The following MAN1A2 variants were observed in gnomAD, a reference collection of about 807,000 sequenced individuals.
MAN1A2 encodes mannosidase alpha class 1A member 2.
A neutral mutation model predicts 75.7 loss-of-function variants in MAN1A2; 26 were observed. The observed-to-expected ratio is 0.34, with a 90% CI of 0.25 to 0.48. The LOEUF is 0.48. Among genes scored for constraint, MAN1A2 ranks in the 20% least tolerant of loss-of-function variants. The pLI is 0.99. For missense variants in MAN1A2, 562 were observed against 775.5 expected, an observed-to-expected ratio of 0.72 and a Z score of 3.27; for synonymous variants, 247 against 264.6, an observed-to-expected ratio of 0.93 and a Z score of 0.65.
intron 1 of MAN1A2, among the ~76,000 whole-genome samples, chr1:117,397,645 CT>C (rs34594031): frequency 0.26 from 27,168 of 105,330 alleles, 3,013 homozygotes; most frequent in East Asian, 0.36. Flanking sequence ...TTATAACCCC[CT>C]TTTTTTTTTT....
At chr1:117,394,095 T>C (rs1653828830) in intron 1 of MAN1A2, among the ~76,000 whole-genome samples, 1 of 151,936 alleles carries the variant, frequency 6.6e-6, no homozygotes, top group South Asian at 2.1e-4. Flanking sequence ...CCTTTTTTTT[T>C]TTTTGAGATG....
intron 5 of MAN1A2, among the ~76,000 whole-genome samples, chr1:117,440,604 C>T (rs978916264): frequency 6.6e-6 from 1 of 151,700 alleles, no homozygotes; most frequent in African/African-American, 2.4e-5. Context: ...TTCTTTTAGA[C>T]CTGTCTACTA....
At chr1:117,435,032 T>G (rs2101803160) in intron 5 of MAN1A2, among the ~76,000 whole-genome samples, 1 of 152,168 alleles carries the variant, frequency 6.6e-6, no homozygotes, top group South Asian at 2.1e-4. Context: ...TATCAAATGC[T>G]TAAAGAATAC....
chr1:117,511,105 C>T (rs190113385), intron 12 of MAN1A2, among the ~76,000 whole-genome samples: 1 of 151,942 alleles, frequency 6.6e-6, no homozygotes, highest in South Asian at 2.1e-4. Context: ...GCACATCTTA[C>T]GTGGTGGCAG....
chr1:117,446,806 C>T (rs1294026688), intron 6 of MAN1A2, among the ~76,000 whole-genome samples: 1 of 152,058 alleles, frequency 6.6e-6, no homozygotes, highest in Admixed American at 6.5e-5. Context: ...GTGTTTAGAT[C>T]ATGTATATCT....
At chr1:117,518,602 A>G (rs1456565699) in intron 12 of MAN1A2, among the ~76,000 whole-genome samples, 1 of 152,144 alleles carries the variant, frequency 6.6e-6, no homozygotes, top group Admixed American at 6.6e-5. Flanking sequence ...GACATTATAT[A>G]ATGATAAAAG....
chr1:117,385,035 T>A (rs1653478987), intron 1 of MAN1A2, among the ~76,000 whole-genome samples: 1 of 152,198 alleles, frequency 6.6e-6, no homozygotes, highest in Admixed American at 6.5e-5. Context: ...GTCTGAATTT[T>A]AGCGTATGAA....
chr1:117,369,808 G>A (rs1652897053), intron 1 of MAN1A2, among the ~76,000 whole-genome samples: 1 of 152,010 alleles, frequency 6.6e-6, no homozygotes, highest in Non-Finnish European at 1.5e-5. Flanking sequence ...AAAAATTAAC[G>A]GTGAAAGTAG....
intron 7 of MAN1A2, among the ~76,000 whole-genome samples, chr1:117,461,613 A>G (rs776697242): frequency 6.6e-6 from 1 of 152,166 alleles, no homozygotes; most frequent in Admixed American, 6.5e-5. Context: ...CAGTTACTCA[A>G]ATTTTATCAT....
intron 7 of MAN1A2, among the ~76,000 whole-genome samples, chr1:117,463,244 C>T (rs558595821): frequency 1.3e-5 from 2 of 151,740 alleles, no homozygotes; most frequent in Non-Finnish European, 2.9e-5. Flanking sequence ...TAAACAAAAA[C>T]GAAAAGATTT....
At chr1:117,477,365 G>A (rs1480671488) in intron 8 of MAN1A2, among the ~76,000 whole-genome samples, 1 of 152,000 alleles carries the variant, frequency 6.6e-6, no homozygotes, top group Non-Finnish European at 1.5e-5. Context: ...TATCCCTGAT[G>A]AACATCGATG....
intron 8 of MAN1A2, among the ~76,000 whole-genome samples, chr1:117,479,430 A>G (rs1650423229): frequency 6.6e-6 from 1 of 151,956 alleles, no homozygotes; most frequent in Non-Finnish European, 1.5e-5. Context: ...TCTTCATAAT[A>G]GAATGATTTA....
At chr1:117,419,115 A>C (rs923897376) in intron 4 of MAN1A2, among the ~76,000 whole-genome samples, 1 of 152,140 alleles carries the variant, frequency 6.6e-6, no homozygotes, top group Non-Finnish European at 1.5e-5. Context: ...TATTAATACA[A>C]GGGATGTCAA....
chr1:117,497,579 T>C (rs1306708638), intron 10 of MAN1A2, among the ~76,000 whole-genome samples: 1 of 151,932 alleles, frequency 6.6e-6, no homozygotes, highest in Admixed American at 6.6e-5. Context: ...AAAATTGTTT[T>C]GGTTGGGGCT....
chr1:117,419,716 A>G (rs1023368808), intron 4 of MAN1A2, among the ~76,000 whole-genome samples: 3 of 152,024 alleles, frequency 2.0e-5, no homozygotes, highest in Admixed American at 6.6e-5. Context: ...GAATATTTCT[A>G]GCAATATCTA....
At chr1:117,513,817 T>G (rs1007550721) in intron 12 of MAN1A2, among the ~76,000 whole-genome samples, 2 of 152,180 alleles carry the variant, frequency 1.3e-5, no homozygotes, top group Admixed American at 6.5e-5. Flanking sequence ...TTTAAAAAAT[T>G]TCATTGTCTT....
chr1:117,384,703 C>A (rs959338982), intron 1 of MAN1A2, among the ~76,000 whole-genome samples: 34 of 152,016 alleles, frequency 2.2e-4, no homozygotes, highest in African/African-American at 7.5e-4. Context: ...TCTGTTTCTC[C>A]CTTCATTTCT....
In MAN1A2 at chr1:117,367,503, T is replaced by C. The variant is rs1316400757; in HGVS notation, c.-681T>C. 1.3e-5 allele frequency: 2 copies of C among 153,032 alleles called. No homozygotes were observed. The highest frequency in any genetic ancestry group is 2.4e-5 in the African/African-American group (1 of 41,344). 9.5% of individuals were successfully genotyped at this position (153,032 alleles called of 1,614,324 possible). A position where few individuals can be genotyped will look rare whatever the true frequency, so the allele number is the denominator to read the frequency against. On this transcript the variant is annotated 5_prime_UTR_variant, in exon 1 of 13. Transcript: ENST00000356554. ...GCCGCGGCGGCTGGCCGGACTCAGG[T>C]GTTTCGGACGCTATTGCCCTTCGCG...
chr1:117,381,691 G>T (rs1041612989), intron 1 of MAN1A2, among the ~76,000 whole-genome samples: 2 of 151,982 alleles, frequency 1.3e-5, no homozygotes, highest in Admixed American at 6.6e-5. Context: ...AGTCCTTTGG[G>T]TATATACCCA....
Sources: gnomAD v4.1 joint callset for allele counts (sites outside exome capture counted in the v4.1 genomes callset) on GRCh38, gnomAD v4.1.1 for gene constraint, MANE v1.5 for transcripts, NCBI Gene and HGNC (gene_info 2026-07-23, HGNC 2026-07-21) for gene names.